Variants in KCTD1 observed in about 807,000 individuals in gnomAD.
KCTD1 encodes the protein BTB/POZ domain-containing protein KCTD1.
KCTD1 carries 24 observed loss-of-function variants against 66.0 expected under a neutral mutation model. The observed-to-expected ratio is 0.36, with a 90% CI of 0.26 to 0.51. The LOEUF is 0.51. Among genes scored for constraint, KCTD1 ranks in the 20% least tolerant of loss-of-function variants. KCTD1 has a pLI of 0.95. For missense variants in KCTD1, 943 were observed against 1,205.2 expected (o/e 0.78, Z 3.22); for synonymous variants, 511 against 517.2 (o/e 0.99, Z 0.16).
rs547755870 is a variant in KCTD1 at position 26,504,421 on chromosome 18, G to A, written c.1810-3171C>T. On this transcript the variant is annotated intron_variant, in intron 1 of 4. Transcript: ENST00000580059. ...AATTTTGGTATTTTTAGTAGAGACA[G>A]GGTTTCGCCATGTTGCCCAGACTGG... 2.0e-5 allele frequency among the ~76,000 whole-genome samples: 3 copies of A among 152,302 alleles called. No homozygotes were observed. In the East Asian group the frequency reaches 5.8e-4, roughly 29 times the overall value.
intron 1 of KCTD1, among the ~76,000 whole-genome samples, chr18:26,558,628 A>G (rs1298526554): frequency 2.0e-5 from 3 of 152,224 alleles, no homozygotes; most frequent in Admixed American, 6.5e-5. Flanking sequence ...TCAGCCATAA[A>G]AAAGAATGAG....
Position 26,547,999 on chromosome 18 carries a change from C to T in KCTD1, c.538G>A (p.Val180Met). 6.5e-7 allele frequency: 1 copy of T among 1,534,570 alleles called. No individual in the cohort carries two copies. The part of the protein sequence containing the change: ...ENTRLATRYA[V>M]RIFREYLSEK... ...CTCAGGTACTCCCGGAAGATGCGCA[C>T]GGCGTAGCGGGTGGCCAGCCGGGTG... Residue 180 changes from valine (V) to methionine (M), a missense_variant, in exon 1 of 5, where the codon GTG (valine) becomes ATG (methionine). Around this residue, in one of 10 missense-constraint regions of KCTD1, gnomAD observed 96 missense variants for 132.5 expected, o/e 0.72. Coordinates refer to ENST00000580059, the MANE Select transcript of KCTD1 (RefSeq NM_001142730.3).
At chr18:26,599,645 G>T in intron 1 of KCTD1, 4 of 1,475,802 alleles carry the variant, frequency 2.7e-6, no homozygotes, top group Non-Finnish European at 3.8e-6. Context: ...TGAGATTTTG[G>T]CTGAAATCAC....
intron 1 of KCTD1, among the ~76,000 whole-genome samples, chr18:26,516,612 G>A (rs1468264476): frequency 6.6e-6 from 1 of 152,210 alleles, no homozygotes; most frequent in Admixed American, 6.5e-5. Context: ...ACAGGCATCA[G>A]TTGAAAGCCT....
At chr18:26,485,707 A>G (rs964323786) in intron 2 of KCTD1, among the ~76,000 whole-genome samples, 2 of 152,120 alleles carry the variant, frequency 1.3e-5, no homozygotes, top group Non-Finnish European at 2.9e-5. Flanking sequence ...AAGCATGAGC[A>G]TATGCACAGA....
intron 1 of KCTD1, among the ~76,000 whole-genome samples, chr18:26,537,180 C>T (rs1984749399): frequency 6.6e-6 from 1 of 152,088 alleles, no homozygotes. Context: ...CCTCAATTCA[C>T]TGAAAAATAA....
At chr18:26,646,537 C>G (rs1271244524) in intron 1 of KCTD1, among the ~76,000 whole-genome samples, 1 of 152,092 alleles carries the variant, frequency 6.6e-6, no homozygotes, top group Non-Finnish European at 1.5e-5. Flanking sequence ...GACGTTCTTA[C>G]CAGACATTTA....
At chr18:26,630,706 T>C (rs961815855), upstream of KCTD1, among the ~76,000 whole-genome samples, 1 of 152,242 alleles carries the variant, frequency 6.6e-6, no homozygotes, top group African/African-American at 2.4e-5. Flanking sequence ...CACTGTGCTA[T>C]GAAGATAATC....
In KCTD1 at chr18:26,522,449, G is replaced by A. The variant is rs1983960047; in HGVS notation, c.1810-21199C>T. 2.0e-5 allele frequency among the ~76,000 whole-genome samples: 3 copies of A among 152,126 alleles called. 1 individual carries two copies. In the South Asian group the frequency reaches 6.2e-4, roughly 32 times the overall value. ...CTCAGATGGAACCAACCACGCCGACGACCTTGATCTCAGACTTCCGGCCTT... is the reference window on the plus strand; with the variant it reads ...CTCAGATGGAACCAACCACGCCGACAACCTTGATCTCAGACTTCCGGCCTT... On this transcript the variant is annotated intron_variant, in intron 1 of 4. Coordinates refer to ENST00000580059, the MANE Select transcript of KCTD1 (RefSeq NM_001142730.3).
intron 1 of KCTD1, chr18:26,599,324 G>T: frequency 8.0e-7 from 1 of 1,247,998 alleles, no homozygotes; most frequent in Non-Finnish European, 1.1e-6. Flanking sequence ...GACTGGGGGA[G>T]AAGCCGGGAG....
intron 1 of KCTD1, among the ~76,000 whole-genome samples, chr18:26,656,524 T>C (rs1219116144): frequency 6.6e-6 from 1 of 151,268 alleles, no homozygotes; most frequent in Admixed American, 6.6e-5. Flanking sequence ...AGGCGGCGAA[T>C]CTGGACCAGC....
intron 1 of KCTD1, among the ~76,000 whole-genome samples, chr18:26,526,591 T>C (rs1984172208): frequency 6.6e-6 from 1 of 152,026 alleles, no homozygotes; most frequent in South Asian, 2.1e-4. Context: ...GAAATAGAAA[T>C]ATGGCAAAAT....
chr18:26,578,061 T>TCTTTTCTTTCTTTC lies in KCTD1; in HGVS notation c.-16+51085_-16+51086insGAAAGAAAGAAAAG, dbSNP rs1475551115. ...TGCTTTTCTTTTCTTTTCTTTCTTT[T>TCTTTTCTTTCTTTC]TTTTTTTTTTTTTTTGACAGAGTCT... On this transcript the variant is annotated intron_variant, in intron 1 of 4. Coordinates refer to the KCTD1 transcript ENST00000317932. Among the ~76,000 whole-genome samples the TCTTTTCTTTCTTTC allele has an allele frequency of 1.4e-3, 204 of 145,072 alleles. 2 individuals carry two copies. Among genetic ancestry groups the TCTTTTCTTTCTTTC allele is most frequent in the African/African-American group, 5.1e-3 (198 of 39,050 alleles).
At chr18:26,501,272 T>G (rs1982749249) in intron 1 of KCTD1, 22 bp from the exon 2 acceptor site, 1 of 1,602,910 alleles carries the variant, frequency 6.2e-7, no homozygotes, top group African/African-American at 1.3e-5. Flanking sequence ...TAAGCAAGTT[T>G]AGATACTTTT....
At chr18:26,634,009 C>T (rs1987672918), upstream of KCTD1, among the ~76,000 whole-genome samples, 1 of 152,160 alleles carries the variant, frequency 6.6e-6, no homozygotes, top group African/African-American at 2.4e-5. Flanking sequence ...CTACGCTACA[C>T]TCAACAGCAT....
chr18:26,594,437 A>G (rs1224753236), intron 1 of KCTD1, among the ~76,000 whole-genome samples: 1 of 152,240 alleles, frequency 6.6e-6, no homozygotes, highest in Non-Finnish European at 1.5e-5. Flanking sequence ...CCTAAAGTTT[A>G]TATTTAACAA....
At chr18:26,553,188 C>T (rs990895848), upstream of KCTD1, among the ~76,000 whole-genome samples, 1 of 151,960 alleles carries the variant, frequency 6.6e-6, no homozygotes, top group Admixed American at 6.6e-5. Flanking sequence ...ATAAGTTTCC[C>T]CATGTTGCCT....
chr18:26,510,544 T>C (rs1189483126), intron 1 of KCTD1, among the ~76,000 whole-genome samples: 2 of 152,136 alleles, frequency 1.3e-5, no homozygotes, highest in East Asian at 3.9e-4. Context: ...ACAGAGTGAG[T>C]GTCCTCAACA....
chr18:26,615,532 T>C (rs1172549027), intron 1 of KCTD1, among the ~76,000 whole-genome samples: 1 of 152,162 alleles, frequency 6.6e-6, no homozygotes, highest in Non-Finnish European at 1.5e-5. Flanking sequence ...AACTTGGGTC[T>C]TAAAGCTGGA....
Sources: allele counts gnomAD v4.1 joint callset (sites outside exome capture counted in the v4.1 genomes callset), GRCh38; gene constraint gnomAD v4.1.1; regional missense constraint gnomAD v4.1.1; transcripts MANE v1.5; gene names NCBI Gene and HGNC (gene_info 2026-07-23, HGNC 2026-07-21).